CMTR2: variants seen among roughly 807,000 people sequenced by gnomAD.
The protein encoded by CMTR2 is cap-specific mRNA (nucleoside-2'-O-)-methyltransferase 2.
Under a neutral mutation model 49.8 loss-of-function variants are expected in CMTR2, and 40 were observed. That is an observed-to-expected ratio of 0.80 (90% confidence interval 0.62 to 1.04). The LOEUF is 1.04. CMTR2 is among the 50% of genes least tolerant of loss of function. The pLI is 0.00. For synonymous variants in CMTR2, 326 were observed against 315.8 expected (o/e 1.03, Z -0.34); for missense variants, 907 against 897.2 (o/e 1.01, Z -0.14).
chr16:71,283,882 A>T lies in CMTR2; in HGVS notation c.2039T>A (p.Leu680Gln). The change falls in exon 3 of 3, where the codon CTG becomes CAG. Residue 680 changes from leucine to glutamine, a missense_variant. Leu to Gln is a moderately radical substitution (Grantham distance 113). Coordinates refer to ENST00000434935, the MANE Select transcript of CMTR2 (RefSeq NM_018348.6). ...TFVCPTSSDP[L>Q]RTCAVLLCVG... ...ACATAGCAGGACTGCGCAGGTCCTC[A>T]GGGGATCAGAGGATGTGGGACAAAC... is the stretch of plus-strand genomic sequence containing the variant. 1 of 1,613,084 alleles carries T rather than the reference A, an allele frequency of 6.2e-7. No individual in the cohort carries two copies. The highest frequency in any genetic ancestry group is 8.5e-7 in the Non-Finnish European group (1 of 1,179,044).
In CMTR2 at chr16:71,284,354, T is replaced by C. The variant is rs144187091; in HGVS notation, c.1567A>G (p.Ile523Val). 407 of 1,613,612 alleles carry C rather than the reference T, an allele frequency of 2.5e-4. 4 individuals are homozygous for C. In the East Asian group the frequency reaches 8.2e-3, roughly 33 times the overall value. Residue 523 changes from isoleucine (I) to valine (V), a missense_variant, in exon 3 of 3, where the codon ATT becomes GTT. By Grantham distance (29) the Ile-to-Val change is conservative. Transcript: ENST00000434935. ...AAAGCTCCTCCTAATGACTTTTCAATTGCTTCATTAAGAGTTTTTAAAATT... is the reference window on the plus strand; with the variant it reads ...AAAGCTCCTCCTAATGACTTTTCAACTGCTTCATTAAGAGTTTTTAAAATT... The part of the protein sequence containing the change: ...GEILKTLNEA[I>V]EKSLGGAFNL...
Position 71,283,266 on chromosome 16 carries a change from G to C in CMTR2, c.*342C>G. 1 of 199,586 alleles carries C rather than the reference G, an allele frequency of 5.0e-6. No homozygotes were observed. The allele number at this position is 199,586 out of a possible 1,614,324, so 12.4% of individuals were successfully genotyped here. On this transcript the variant is annotated 3_prime_UTR_variant, in exon 3 of 3. Coordinates refer to ENST00000434935, the MANE Select transcript of CMTR2 (RefSeq NM_018348.6). ...TCGGCTGGAAAAAAAAAACTAATCT[G>C]AACAAAGGTACACAGATGCAAATCT...
rs1450252917 is a variant in CMTR2, at chr16:71,285,413, C to T, written c.508G>A (p.Val170Ile). Residue 170 changes from valine to isoleucine, a missense_variant, in exon 3 of 3, where the codon GTA (valine) becomes ATA (isoleucine). Val to Ile is a conservative substitution (Grantham distance 29). Coordinates refer to ENST00000434935, the MANE Select transcript of CMTR2 (RefSeq NM_018348.6). ...TGGTATGGATTCAGAGTATTCGCTA[C>T]CCAACTCCAATGACAAGGAAACCGA... ...SHRFPCHWSW[V>I]ANTLNPYHEA... 12 of 1,613,950 alleles carry T rather than the reference C, an allele frequency of 7.4e-6. No homozygotes were observed. The highest frequency in any genetic ancestry group is 1.0e-5 in the Non-Finnish European group (12 of 1,179,974).
chr16:71,283,666 T>C lies in CMTR2; in HGVS notation c.2255A>G (p.His752Arg). 1 of 1,613,720 alleles carries C rather than the reference T, an allele frequency of 6.2e-7. No individual in the cohort carries two copies. The highest frequency in any genetic ancestry group is 8.5e-7 in the Non-Finnish European group (1 of 1,179,776). The stretch of plus-strand genomic sequence containing the variant: ...TTCTCTCTCTCTTTGAATAATGAAA[T>C]GCAAATGCCTTTTAGCAATGGCAGC... ...LNAAIAKRHL[H>R]FIIQREREEI... Residue 752 changes from histidine (H) to arginine (R), a missense_variant, in exon 3 of 3, where the codon CAT becomes CGT. Transcript: ENST00000434935.
intron 2 of CMTR2, chr16:71,287,449 A>T (rs1212708480): frequency 6.6e-6 from 1 of 151,850 alleles, no homozygotes; most frequent in Non-Finnish European, 1.5e-5. Context: ...TTTTTTTTTG[A>T]GACAGGGTCT....
Position 71,284,893 on chromosome 16 carries a change from C to T in CMTR2, c.1028G>A (p.Arg343Lys). The change falls in exon 3 of 3, where the codon AGG becomes AAG. Residue 343 changes from arginine to lysine, a missense_variant. Arg to Lys is a conservative substitution (Grantham distance 26). Transcript: ENST00000434935. ...MTLNFGTEMK[R>K]KALFPHHVIP... ...CACATGATGGGGAAAAAGGGCTTTC[C>T]TTTTCATTTCAGTCCCAAAATTCAA... is the stretch of plus-strand genomic sequence containing the variant. The T allele has an allele frequency of 1.2e-6, 2 of 1,614,044 alleles. No homozygotes were observed. The highest frequency in any genetic ancestry group is 1.7e-4 in the Middle Eastern group (1 of 6,060).
Position 71,284,772 on chromosome 16 carries a change from C to A in CMTR2, c.1149G>T (p.Glu383Asp). Residue 383 changes from glutamate (E) to aspartate (D), a missense_variant, in exon 3 of 3, where the codon GAG (glutamate) becomes GAT (aspartate). Transcript: ENST00000434935. The part of the protein sequence containing the change: ...ETISENIRLF[E>D]CMGKAEQEKL... ...TTTCTTGTTCCGCCTTTCCCATGCA[C>A]TCAAATAGACGAATGTTTTCAGAAA... 3 of 1,613,768 alleles carry A rather than the reference C, an allele frequency of 1.9e-6. No individual in the cohort carries two copies. In the African/African-American group the frequency reaches 4.0e-5, roughly 22 times the overall value.
Position 71,284,725 on chromosome 16 carries a change from C to A in CMTR2, c.1196G>T (p.Cys399Phe), listed in dbSNP as rs761084232. Residue 399 changes from cysteine (C) to phenylalanine (F), a missense_variant, in exon 3 of 3, where the codon TGT becomes TTT. By Grantham distance (205) the Cys-to-Phe change is radical (BLOSUM62 -2). Coordinates refer to ENST00000434935, the MANE Select transcript of CMTR2 (RefSeq NM_018348.6). ...TTTTTGCATAAAATATTGTATAGCACAATCCCTTAAATTATTCAGCTTTTC... is the reference window on the plus strand; with the variant it reads ...TTTTTGCATAAAATATTGTATAGCAAAATCCCTTAAATTATTCAGCTTTTC... Reference protein sequence around the residue: ...EQEKLNNLRDCAIQYFMQKFQ... With the variant: ...EQEKLNNLRDFAIQYFMQKFQ... 5.6e-6 allele frequency: 9 copies of A among 1,613,402 alleles called. No homozygotes were observed. The Admixed American group carries it at 6.7e-5, about 12-fold the overall frequency.
upstream of CMTR2, chr16:71,289,499 C>T (rs1429519336): frequency 6.6e-6 from 1 of 152,228 alleles, no homozygotes; most frequent in Non-Finnish European, 1.5e-5. Flanking sequence ...GCCTCAGCTC[C>T]CTAGGTTTTG....
chr16:71,285,903 C>T lies in CMTR2; in HGVS notation c.18G>A (p.Lys6=). ...GACTTGCTAGCTGCTGAACTGGTGT[C>T]TTTCTGCACTTACTCATTTTCAAAT... MSKCR[K]TPVQQLASPA... Residue 6 remains lysine (K), a synonymous_variant, in exon 3 of 3, where the codon AAG becomes AAA. Coordinates refer to ENST00000434935, the MANE Select transcript of CMTR2 (RefSeq NM_018348.6). 6.4e-7 allele frequency: 1 copy of T among 1,565,224 alleles called. No individual in the cohort carries two copies. Among genetic ancestry groups the T allele is most frequent in the Non-Finnish European group, 8.6e-7 (1 of 1,159,022 alleles).
intron 2 of CMTR2, chr16:71,286,445 G>GTT (rs59928825): frequency 4.6e-4 from 36 of 78,510 alleles, no homozygotes; most frequent in African/African-American, 7.4e-4. Context: ...GTGACTTTTC[G>GTT]TTTTTTTTTT....
intron 2 of CMTR2, chr16:71,286,998 T>G (rs2288048): frequency 6.6e-6 from 1 of 152,002 alleles, no homozygotes; most frequent in Admixed American, 6.5e-5. Flanking sequence ...AATGGCATAG[T>G]TTTGGAAAAG....
rs1237360576 is a variant in CMTR2 at position 71,283,324 on chromosome 16, T to C, written c.*284A>G. 1 of 345,736 alleles carries C rather than the reference T, an allele frequency of 2.9e-6. No individual in the cohort carries two copies. Among genetic ancestry groups the C allele is most frequent in the Non-Finnish European group, 5.2e-6 (1 of 191,178 alleles). 21.4% of individuals were successfully genotyped at this position (345,736 alleles called of 1,614,324 possible). On this transcript the variant is annotated 3_prime_UTR_variant, in exon 3 of 3. Transcript: ENST00000434935. ...ATTAAGTAAGACCAACTAAATGGCA[T>C]AGGTAAGCATGGCTGTGGCCACCCA...
chr16:71,286,677 AGTG>A (rs1205387395), intron 2 of CMTR2: 2 of 151,826 alleles, frequency 1.3e-5, no homozygotes, highest in African/African-American at 2.4e-5. Context: ...GCTGTACTTG[AGTG>A]GTTAGCCTTT....
Position 71,283,543 on chromosome 16 carries a change from C to T in CMTR2, c.*65G>A. 2.0e-6 allele frequency: 3 copies of T among 1,518,910 alleles called. No individual in the cohort carries two copies. The highest frequency in any genetic ancestry group is 4.2e-4 in the Middle Eastern group (2 of 4,796). 94.1% of individuals were successfully genotyped at this position (1,518,910 alleles called of 1,614,324 possible). A position where few individuals can be genotyped will look rare whatever the true frequency, so the allele number is the denominator to read the frequency against. Reference sequence around the variant, plus strand: ...ATAAAAGGTTTTTAAATTAATAGAGCAACAGGATGCAAATACTGGGCAAAT... The same window carrying T: ...ATAAAAGGTTTTTAAATTAATAGAGTAACAGGATGCAAATACTGGGCAAAT... On this transcript the variant is annotated 3_prime_UTR_variant, in exon 3 of 3. Transcript: ENST00000434935.
At chr16:71,289,686 C>T (rs796226334), upstream of CMTR2, 7 of 142,420 alleles carry the variant, frequency 4.9e-5, 1 homozygote, top group African/African-American at 1.8e-4. Context: ...ACGGGGCAAA[C>T]CTGTCTGTCA....
chr16:71,283,141 T>C lies in CMTR2; in HGVS notation c.*467A>G, dbSNP rs1272779888. On this transcript the variant is annotated 3_prime_UTR_variant, in exon 3 of 3. Transcript: ENST00000434935. ...TGTTGCTGAACAGTGATTTACTCAT[T>C]TCCTTTCCTCAATTACCTCTCTCAA... 6.5e-6 allele frequency: 1 copy of C among 154,410 alleles called. No individual in the cohort carries two copies. The highest frequency in any genetic ancestry group is 1.4e-5 in the Non-Finnish European group (1 of 69,460). 9.6% of individuals were successfully genotyped at this position (154,410 alleles called of 1,614,324 possible).
chr16:71,283,419 G>C lies in CMTR2; in HGVS notation c.*189C>G. The C allele has an allele frequency of 1.6e-6, 1 of 633,760 alleles. No individual in the cohort carries two copies. 39.3% of individuals were successfully genotyped at this position (633,760 alleles called of 1,614,324 possible). A position where few individuals can be genotyped will look rare whatever the true frequency, so the allele number is the denominator to read the frequency against. ...TGCATAGATTCCACCACGTGGAAGA[G>C]CTCTATGCCTGTGGGTGTATATACC... On this transcript the variant is annotated 3_prime_UTR_variant, in exon 3 of 3. Coordinates refer to ENST00000434935, the MANE Select transcript of CMTR2 (RefSeq NM_018348.6).
At position 71,284,009 on chromosome 16, in the gene CMTR2, G is replaced by C. The variant is rs1199926948; in HGVS notation, c.1912C>G (p.His638Asp). Residue 638 changes from histidine to aspartate, a missense_variant, in exon 3 of 3, where the codon CAT (histidine) becomes GAT (aspartate). Physicochemically the swap from His to Asp is moderately conservative, Grantham distance 81. Coordinates refer to ENST00000434935, the MANE Select transcript of CMTR2 (RefSeq NM_018348.6). ...DCLLHSLREL[H>D]TGDVMILPVL... Reference sequence around the variant, plus strand: ...GGCAAAATCATAACATCTCCTGTATGAAGCTCCCGCAATGAATGTAGAAGG... The same window carrying C: ...GGCAAAATCATAACATCTCCTGTATCAAGCTCCCGCAATGAATGTAGAAGG... 1 of 1,613,936 alleles carries C rather than the reference G, an allele frequency of 6.2e-7. No homozygotes were observed. Among genetic ancestry groups the C allele is most frequent in the South Asian group, 1.1e-5 (1 of 91,080 alleles).
Sources: allele counts gnomAD v4.1 joint callset, GRCh38; gene constraint gnomAD v4.1.1; transcripts MANE v1.5; gene names NCBI Gene and HGNC (gene_info 2026-07-23, HGNC 2026-07-21).